Variants in ROCK2 observed in about 807,000 individuals in gnomAD.
The protein encoded by ROCK2 is rho-associated protein kinase 2.
ROCK2 carries 61 observed loss-of-function variants against 195.1 expected under a neutral mutation model. The ratio of observed to expected loss-of-function variants is 0.31; its 90% CI spans 0.25 to 0.39. ROCK2 has a LOEUF of 0.39. Among genes scored for constraint, ROCK2 ranks in the 10% least tolerant of loss-of-function variants. The pLI, the probability that ROCK2 is intolerant of heterozygous loss-of-function variation, is 1.00. For synonymous variants in ROCK2, 504 were observed against 545.5 expected, an observed-to-expected ratio of 0.92 and a Z score of 1.06; for missense variants, 1,109 against 1,637.4, an observed-to-expected ratio of 0.68 and a Z score of 5.57.
intron 4 of ROCK2, among the ~76,000 whole-genome samples, chr2:11,243,197 A>G (rs1665490190): frequency 6.6e-6 from 1 of 152,338 alleles, no homozygotes; most frequent in African/African-American, 2.4e-5. Flanking sequence ...TCCTGCTATA[A>G]AAGACATTAC....
chr2:11,251,064 C>G (rs1665813101), intron 3 of ROCK2, among the ~76,000 whole-genome samples: 1 of 152,198 alleles, frequency 6.6e-6, no homozygotes, highest in African/African-American at 2.4e-5. Context: ...TTTCAGCTCA[C>G]TATTCCCTTC....
At chr2:11,333,873 G>C (rs892834274) in intron 1 of ROCK2, among the ~76,000 whole-genome samples, 3 of 152,048 alleles carry the variant, frequency 2.0e-5, no homozygotes, top group Non-Finnish European at 4.4e-5. Flanking sequence ...TAAGGAGAAG[G>C]GGGAAAAAAT....
intron 18 of ROCK2, among the ~76,000 whole-genome samples, chr2:11,209,210 G>A (rs761558374): frequency 3.9e-5 from 6 of 152,118 alleles, no homozygotes; most frequent in Non-Finnish European, 7.4e-5. Flanking sequence ...TTAGGGAGGT[G>A]GTAAAGGACA....
At chr2:11,327,595 T>C (rs1166094831) in intron 1 of ROCK2, among the ~76,000 whole-genome samples, 2 of 152,142 alleles carry the variant, frequency 1.3e-5, no homozygotes, top group Non-Finnish European at 2.9e-5. Flanking sequence ...GGGAGTCTCA[T>C]TCTGTCACCC....
chr2:11,219,325 C>T (rs79796430), intron 9 of ROCK2, among the ~76,000 whole-genome samples: 3,235 of 115,626 alleles, frequency 0.028, 62 homozygotes, highest in East Asian at 0.065. Flanking sequence ...CATGGTGAAA[C>T]CTTATCTCTA....
intron 3 of ROCK2, among the ~76,000 whole-genome samples, chr2:11,276,938 G>GT (rs1362881967): frequency 6.6e-6 from 1 of 152,092 alleles, no homozygotes; most frequent in East Asian, 1.9e-4. Flanking sequence ...TGGATAAACT[G>GT]TGAGTATATT....
intron 1 of ROCK2, among the ~76,000 whole-genome samples, chr2:11,337,059 A>G (rs1213903178): frequency 6.6e-6 from 1 of 152,208 alleles, no homozygotes; most frequent in Non-Finnish European, 1.5e-5. Flanking sequence ...CCTGGCCAAC[A>G]TGGTGAAACC....
chr2:11,316,718 G>A (rs144434791), intron 1 of ROCK2, among the ~76,000 whole-genome samples: 250 of 152,210 alleles, frequency 1.6e-3, no homozygotes, highest in African/African-American at 5.6e-3. Context: ...CATTTTATGC[G>A]ACCATGTATT....
At chr2:11,323,880 T>C (rs529134824) in intron 1 of ROCK2, among the ~76,000 whole-genome samples, 3 of 152,168 alleles carry the variant, frequency 2.0e-5, no homozygotes, top group Non-Finnish European at 4.4e-5. Context: ...CCGTCAGTAT[T>C]CATTCTTGGT....
chr2:11,211,519 A>G (rs1443799565), intron 18 of ROCK2, among the ~76,000 whole-genome samples, 162 bp downstream of exon 18: 1 of 152,220 alleles, frequency 6.6e-6, no homozygotes, highest in Non-Finnish European at 1.5e-5. Flanking sequence ...CAAAGGAAAA[A>G]TAATAGAATA....
In ROCK2 at chr2:11,201,222, A is replaced by G. The variant is rs1343016670; in HGVS notation, c.2724-79T>C. 2 of 1,527,176 alleles carry G rather than the reference A, an allele frequency of 1.3e-6. No individual in the cohort carries two copies. The highest frequency in any genetic ancestry group is 1.9e-5 in the Admixed American group (1 of 52,822). The allele number at this position is 1,527,176 out of a possible 1,614,324, so 94.6% of individuals were successfully genotyped here. The stretch of plus-strand genomic sequence containing the variant: ...AGTTTTTGTCTAATTCACTTCATCA[A>G]TAATTTTTTATTTGGTGATTACCAG... On this transcript the variant is annotated intron_variant, in intron 22 of 32. Coordinates refer to ENST00000315872, the MANE Select transcript of ROCK2 (RefSeq NM_004850.5). The surrounding 1 kb of genome is among the most constrained non-coding windows in gnomAD (Gnocchi z 4.6).
intron 32 of ROCK2, among the ~76,000 whole-genome samples, chr2:11,186,472 A>G (rs1331040269): frequency 6.6e-6 from 1 of 152,190 alleles, no homozygotes; most frequent in African/African-American, 2.4e-5. Context: ...CATCCCTTCG[A>G]ATCAGTCATC....
chr2:11,237,238 G>A (rs1480652477), intron 4 of ROCK2, among the ~76,000 whole-genome samples: 1 of 152,076 alleles, frequency 6.6e-6, no homozygotes. Flanking sequence ...CTGATATGAG[G>A]ACCAAAAAAA....
At chr2:11,304,519 T>C (rs1402819890) in intron 1 of ROCK2, among the ~76,000 whole-genome samples, 1 of 152,212 alleles carries the variant, frequency 6.6e-6, no homozygotes, top group East Asian at 1.9e-4. Flanking sequence ...TCATTGCAAA[T>C]GTCTACCATT....
At chr2:11,228,259 A>T (rs1664881588) in intron 5 of ROCK2, among the ~76,000 whole-genome samples, 1 of 152,144 alleles carries the variant, frequency 6.6e-6, no homozygotes, top group African/African-American at 2.4e-5. Flanking sequence ...ATTCCTCATA[A>T]GGAAGCTATA....
chr2:11,184,978 C>T (rs1291091389), intron 32 of ROCK2, among the ~76,000 whole-genome samples: 1 of 152,196 alleles, frequency 6.6e-6, no homozygotes, highest in African/African-American at 2.4e-5. Flanking sequence ...GCCAAGTACA[C>T]TTTCCAGATA....
At chr2:11,262,409 G>A (rs1237628150) in intron 3 of ROCK2, among the ~76,000 whole-genome samples, 1 of 152,146 alleles carries the variant, frequency 6.6e-6, no homozygotes, top group Non-Finnish European at 1.5e-5. Flanking sequence ...ATTCCTAAGT[G>A]TAGCCAGAGA....
intron 5 of ROCK2, among the ~76,000 whole-genome samples, chr2:11,229,158 T>C (rs1664913676): frequency 6.6e-6 from 1 of 152,164 alleles, no homozygotes; most frequent in African/African-American, 2.4e-5. Flanking sequence ...TAATAGTAAT[T>C]ACTAATAGTA....
intron 1 of ROCK2, among the ~76,000 whole-genome samples, chr2:11,319,846 C>A (rs1052338713): frequency 5.3e-5 from 8 of 152,146 alleles, no homozygotes; most frequent in African/African-American, 1.9e-4. Flanking sequence ...TTTTTAAATA[C>A]CACGGATATT....
Sources: allele counts gnomAD v4.1 joint callset (sites outside exome capture counted in the v4.1 genomes callset), GRCh38; gene constraint gnomAD v4.1.1; non-coding constraint Gnocchi (gnomAD v3.1); transcripts MANE v1.5; gene names NCBI Gene and HGNC (gene_info 2026-07-23, HGNC 2026-07-21).